Variants in MOSMO observed in about 807,000 individuals in gnomAD.
The protein encoded by MOSMO is modulator of smoothened protein.
In MOSMO, 5 loss-of-function variants were observed where a neutral mutation model predicts 18.4. The ratio of observed to expected loss-of-function variants is 0.27; its 90% CI spans 0.14 to 0.57. MOSMO has a LOEUF of 0.57. Ranked by LOEUF, MOSMO falls within the 20% of genes least tolerant of loss-of-function variation. The pLI, the probability that MOSMO is intolerant of heterozygous loss-of-function variation, is 0.92. For synonymous variants in MOSMO, 82 were observed against 82.3 expected (o/e 1.00, Z 0.02); for missense variants, 138 against 211.8 (o/e 0.65, Z 2.16).
At chr16:22,021,606 T>A (rs1899764159) in intron 1 of MOSMO, among the ~76,000 whole-genome samples, 1 of 152,100 alleles carries the variant, frequency 6.6e-6, no homozygotes, top group African/African-American at 2.4e-5. Context: ...GAGACCAGCC[T>A]GGGCAACATG....
chr16:22,011,938 A>G (rs1458353278), intron 1 of MOSMO, among the ~76,000 whole-genome samples: 1 of 151,018 alleles, frequency 6.6e-6, no homozygotes, highest in African/African-American at 2.4e-5. Flanking sequence ...GAGTTAAAAA[A>G]AAAAAAAAAA....
At chr16:22,020,215 CAA>C (rs778322248) in intron 1 of MOSMO, among the ~76,000 whole-genome samples, 8 of 101,732 alleles carry the variant, frequency 7.9e-5, no homozygotes, top group African/African-American at 1.1e-4. Flanking sequence ...ACTCCATCTC[CAA>C]AAAAAAAAAA....
At chr16:22,012,796 A>G (rs1053192114) in intron 1 of MOSMO, among the ~76,000 whole-genome samples, 4 of 151,546 alleles carry the variant, frequency 2.6e-5, no homozygotes, top group East Asian at 1.9e-4. Context: ...AACTGTTACT[A>G]TAAGATTATG....
At chr16:22,072,707 G>A (rs1900881373) in intron 1 of MOSMO, among the ~76,000 whole-genome samples, 1 of 151,924 alleles carries the variant, frequency 6.6e-6, no homozygotes, top group Admixed American at 6.6e-5. Context: ...AGCAGCTCGG[G>A]AGGCTGAGGC....
chr16:22,048,922 C>T (rs940293782), intron 1 of MOSMO, among the ~76,000 whole-genome samples: 4 of 152,016 alleles, frequency 2.6e-5, no homozygotes, highest in East Asian at 1.9e-4. Flanking sequence ...TCACTATAAC[C>T]GGTTGCCCCC....
chr16:22,033,614 G>A lies in MOSMO; in HGVS notation c.106+25207G>A, dbSNP rs557928728. ...GGGCAGATCACGAGGTCAGGAGATC[G>A]AGACCATCCTGACTAACCTTGAAAC... On this transcript the variant is annotated intron_variant, in intron 1 of 2. Transcript: ENST00000542527. 2.6e-4 allele frequency among the ~76,000 whole-genome samples: 39 copies of A among 151,920 alleles called. 1 individual carries two copies. The highest frequency in any genetic ancestry group is 6.8e-4 in the African/African-American group (28 of 41,432).
At chr16:22,024,973 G>T (rs550760822) in intron 1 of MOSMO, among the ~76,000 whole-genome samples, 1 of 151,968 alleles carries the variant, frequency 6.6e-6, no homozygotes, top group Admixed American at 6.6e-5. Flanking sequence ...AACATAGCAA[G>T]ACTTCATCTC....
At chr16:22,065,726 C>G (rs889948513) in intron 1 of MOSMO, among the ~76,000 whole-genome samples, 1 of 152,192 alleles carries the variant, frequency 6.6e-6, no homozygotes, top group African/African-American at 2.4e-5. Context: ...AATTCTCACA[C>G]AGACCTAAAT....
chr16:22,090,845 T>G (rs1389399068), downstream of MOSMO, among the ~76,000 whole-genome samples: 1 of 152,202 alleles, frequency 6.6e-6, no homozygotes, highest in Non-Finnish European at 1.5e-5. Flanking sequence ...TCTGAAAGCC[T>G]TACTCTGCTT....
At chr16:22,085,455 T>G (rs1901153570), downstream of MOSMO, among the ~76,000 whole-genome samples, 1 of 152,164 alleles carries the variant, frequency 6.6e-6, no homozygotes, top group African/African-American at 2.4e-5. Flanking sequence ...TGGGGGGTTA[T>G]TTTCTATAAA....
chr16:22,092,420 A>G, downstream of MOSMO: 1 of 494,334 alleles, frequency 2.0e-6, no homozygotes, highest in Non-Finnish European at 3.7e-6. Flanking sequence ...TCAACAACAC[A>G]GCTGGTGACT....
In MOSMO at chr16:22,064,609, G is replaced by A. The variant is rs534908895; in HGVS notation, c.107-10878G>A. ...ACTCTTAATTTCTTTTAGATCCAGA[G>A]CATGTGCTTAAATTCATACATGATT... On this transcript the variant is annotated intron_variant, in intron 1 of 2. Transcript: ENST00000542527. Among the ~76,000 whole-genome samples the A allele has an allele frequency of 2.2e-3, 335 of 152,308 alleles. 2 individuals carry two copies. Among genetic ancestry groups the A allele is most frequent in the African/African-American group, 7.5e-3 (313 of 41,578 alleles).
chr16:22,075,072 TGAA>T (rs1900936729), intron 1 of MOSMO, among the ~76,000 whole-genome samples: 1 of 152,200 alleles, frequency 6.6e-6, no homozygotes, highest in South Asian at 2.1e-4. Flanking sequence ...TCAGCCAAAA[TGAA>T]GTCATATACA....
chr16:22,056,541 T>G (rs1427054450), intron 1 of MOSMO, among the ~76,000 whole-genome samples: 1 of 149,228 alleles, frequency 6.7e-6, no homozygotes, highest in Non-Finnish European at 1.5e-5. Flanking sequence ...CGGTTAATTT[T>G]ATATATATAT....
chr16:22,034,923 G>A lies in MOSMO; in HGVS notation c.106+26516G>A, dbSNP rs913121288. ...TTTTGTTTGTATTTTTTGTAGAGACGGGGTTTTGTCATGTTGCCCAGGCTG... is the reference window on the plus strand; with the variant it reads ...TTTTGTTTGTATTTTTTGTAGAGACAGGGTTTTGTCATGTTGCCCAGGCTG... On this transcript the variant is annotated intron_variant, in intron 1 of 2. Coordinates refer to ENST00000542527, the MANE Select transcript of MOSMO (RefSeq NM_001164579.2). Among the ~76,000 whole-genome samples, 4 of 151,680 alleles carry A rather than the reference G, an allele frequency of 2.6e-5. 1 individual carries two copies. The highest frequency in any genetic ancestry group is 4.2e-4 in the South Asian group (2 of 4,798).
intron 1 of MOSMO, among the ~76,000 whole-genome samples, chr16:22,011,496 G>T (rs986515164): frequency 6.6e-6 from 1 of 152,110 alleles, no homozygotes; most frequent in Non-Finnish European, 1.5e-5. Flanking sequence ...TTGTTCAGTC[G>T]AATAGCAGAT....
chr16:22,080,850 A>G lies in MOSMO; in HGVS notation c.474A>G (p.Leu158=), dbSNP rs764868216. The change falls in exon 3 of 3, where the codon CTA becomes CTG. Residue 158 remains leucine, a synonymous_variant. Transcript: ENST00000542527. ...LSIFFTIVGL[L]FAGKVCLPG ...TTTTCTTTACAATAGTAGGACTTCT[A>G]TTTGCTGGCAAAGTTTGTTTACCAG... is the stretch of plus-strand genomic sequence containing the variant. The G allele has an allele frequency of 6.5e-5, 92 of 1,418,886 alleles. No individual in the cohort carries two copies. Among genetic ancestry groups the G allele is most frequent in the Non-Finnish European group, 7.6e-5 (83 of 1,089,328 alleles). The allele number at this position is 1,418,886 out of a possible 1,614,324, so 87.9% of individuals were successfully genotyped here.
At chr16:22,060,035 C>T (rs568170973) in intron 1 of MOSMO, among the ~76,000 whole-genome samples, 57 of 152,024 alleles carry the variant, frequency 3.7e-4, no homozygotes, top group Non-Finnish European at 7.1e-4. Context: ...AAATCAGCAA[C>T]GCGTGGTGGC....
intron 1 of MOSMO, among the ~76,000 whole-genome samples, chr16:22,041,555 C>T (rs1440009355): frequency 6.6e-6 from 1 of 152,044 alleles, no homozygotes; most frequent in Non-Finnish European, 1.5e-5. Context: ...AACACTAGTT[C>T]AGGGAGTAAT....
Sources: gnomAD v4.1 joint callset for allele counts (sites outside exome capture counted in the v4.1 genomes callset) on GRCh38, gnomAD v4.1.1 for gene constraint, MANE v1.5 for transcripts, NCBI Gene and HGNC (gene_info 2026-07-23, HGNC 2026-07-21) for gene names.